The following RIC8B variants were observed in gnomAD, a reference collection of about 807,000 sequenced individuals.
RIC8B encodes the protein RIC8 guanine nucleotide exchange factor B.
RIC8B carries 16 observed loss-of-function variants against 57.5 expected under a neutral mutation model. That is an observed-to-expected ratio of 0.28 (90% confidence interval 0.19 to 0.42). RIC8B has a LOEUF of 0.42. Ranked by LOEUF, RIC8B falls within the 10% of genes least tolerant of loss-of-function variation. RIC8B has a pLI of 1.00. For synonymous variants in RIC8B, 216 were observed against 250.8 expected, an observed-to-expected ratio of 0.86 and a Z score of 1.31; for missense variants, 481 against 677.0, an observed-to-expected ratio of 0.71 and a Z score of 3.21.
chr12:106,796,373 C>A (rs190452927), intron 2 of RIC8B, among the ~76,000 whole-genome samples: 4 of 151,962 alleles, frequency 2.6e-5, no homozygotes, highest in Non-Finnish European at 4.4e-5. Context: ...CCCCCACCCC[C>A]CTCCATCTCT....
At chr12:106,853,050 T>C (rs984107589) in intron 7 of RIC8B, among the ~76,000 whole-genome samples, 8 of 152,206 alleles carry the variant, frequency 5.3e-5, no homozygotes, top group Non-Finnish European at 1.0e-4. Flanking sequence ...TTGTTACCTC[T>C]GAGTAATAAG....
chr12:106,853,978 G>T (rs1174535017), intron 7 of RIC8B, among the ~76,000 whole-genome samples: 1 of 152,172 alleles, frequency 6.6e-6, no homozygotes, highest in Non-Finnish European at 1.5e-5. Flanking sequence ...GGTAATAAAA[G>T]TAAGTCAAGT....
At chr12:106,874,680 C>T (rs1950588003) in intron 9 of RIC8B, 1 of 762,496 alleles carries the variant, frequency 1.3e-6, no homozygotes, top group African/African-American at 1.7e-5. Context: ...TATTTTGCCT[C>T]CATGCTGGAC....
chr12:106,810,401 G>A (rs1056290399), intron 2 of RIC8B, among the ~76,000 whole-genome samples: 3 of 151,994 alleles, frequency 2.0e-5, no homozygotes, highest in African/African-American at 4.8e-5. Context: ...TAAAAAAGAT[G>A]TCCCTTCCGC....
rs1224422810 is a variant in RIC8B at position 106,816,283 on chromosome 12, CA to C, written c.741+980del. On this transcript the variant is annotated intron_variant, in intron 3 of 9. Transcript: ENST00000392837. The stretch of plus-strand genomic sequence containing the variant: ...ATGAGTAAAGATCTGTTTTTGCCAG[CA>C]GCCTACTTTAAAGGGATTATCTCAG... 3.3e-5 allele frequency among the ~76,000 whole-genome samples: 5 copies of C among 152,190 alleles called. No homozygotes were observed. The East Asian group carries it at 9.6e-4, about 29-fold the overall frequency.
In RIC8B at chr12:106,870,818, TG is replaced by T; in HGVS notation, c.1452-4del. 1 of 1,501,348 alleles carries T rather than the reference TG, an allele frequency of 6.7e-7. No homozygotes were observed. The allele number at this position is 1,501,348 out of a possible 1,614,324, so 93.0% of individuals were successfully genotyped here. On this transcript the variant is annotated splice_region_variant and splice_polypyrimidine_tract_variant and intron_variant, in intron 8 of 9. Coordinates refer to ENST00000392837, the MANE Select transcript of RIC8B (RefSeq NM_001330145.2). Reference sequence around the variant, plus strand: ...ATACAGCATAACTTTTTTTTCTTTTTGTAGCATTAATCTTATCACTGGTCAT... The same window carrying T: ...ATACAGCATAACTTTTTTTTCTTTTTTAGCATTAATCTTATCACTGGTCAT...
chr12:106,831,999 T>C (rs1370079913), intron 4 of RIC8B, among the ~76,000 whole-genome samples: 4 of 152,196 alleles, frequency 2.6e-5, no homozygotes, highest in Non-Finnish European at 5.9e-5. Context: ...TCCTTAGACA[T>C]AGATTCCTTA....
At position 106,785,484 on chromosome 12, in the gene RIC8B, A is replaced by G. The variant is rs1489510651; in HGVS notation, c.132+1440A>G. Among the ~76,000 whole-genome samples the G allele has an allele frequency of 2.0e-5, 3 of 152,272 alleles. No homozygotes were observed. In the East Asian group the frequency reaches 5.8e-4, roughly 29 times the overall value. On this transcript the variant is annotated intron_variant, in intron 2 of 9. Coordinates refer to ENST00000392837, the MANE Select transcript of RIC8B (RefSeq NM_001330145.2). ...TTGTTTCTTAATTATATATCTGTTG[A>G]TGTTAGACACTGGTATCTTTATACA...
intron 2 of RIC8B, among the ~76,000 whole-genome samples, chr12:106,808,907 G>A (rs2045193467): frequency 6.6e-6 from 1 of 152,118 alleles, no homozygotes; most frequent in African/African-American, 2.4e-5. Context: ...TCGTTTGAAT[G>A]CCCACATATG....
At chr12:106,838,655 GCA>G (rs1417118068) in intron 4 of RIC8B, among the ~76,000 whole-genome samples, 1 of 151,702 alleles carries the variant, frequency 6.6e-6, no homozygotes, top group Non-Finnish European at 1.5e-5. Context: ...AAAAGCACAG[GCA>G]ACAAAAGCAA....
At chr12:106,819,566 A>G (rs1334226900) in intron 3 of RIC8B, among the ~76,000 whole-genome samples, 2 of 152,020 alleles carry the variant, frequency 1.3e-5, no homozygotes, top group Non-Finnish European at 2.9e-5. Context: ...AGCCTGGGCA[A>G]CATAGTGAGA....
intron 2 of RIC8B, among the ~76,000 whole-genome samples, chr12:106,809,554 C>T (rs941090568): frequency 1.4e-5 from 2 of 147,998 alleles, no homozygotes; most frequent in African/African-American, 5.0e-5. Flanking sequence ...AAGAATTGTG[C>T]AGTAAGTGTT....
At chr12:106,834,629 A>G (rs1436244692) in intron 4 of RIC8B, among the ~76,000 whole-genome samples, 1 of 152,186 alleles carries the variant, frequency 6.6e-6, no homozygotes. Context: ...ATGTCAATTC[A>G]TTTATAAAAT....
intron 1 of RIC8B, among the ~76,000 whole-genome samples, chr12:106,779,868 C>CTTT (rs34745029): frequency 3.8e-4 from 38 of 98,924 alleles, no homozygotes; most frequent in Admixed American, 6.7e-4. Context: ...GGGGCCTGTT[C>CTTT]TTTTTTTTTT....
intron 9 of RIC8B, among the ~76,000 whole-genome samples, chr12:106,885,045 G>T (rs976237430): frequency 3.3e-5 from 5 of 152,146 alleles, no homozygotes; most frequent in Non-Finnish European, 1.5e-5. Context: ...AGGGATGGGA[G>T]GACTGGAGTT....
intron 2 of RIC8B, among the ~76,000 whole-genome samples, chr12:106,804,196 ACTT>A (rs1306728913): frequency 2.0e-5 from 3 of 150,568 alleles, no homozygotes; most frequent in Non-Finnish European, 4.4e-5. Flanking sequence ...TGAAGTAGGT[ACTT>A]TTTTTTCCTT....
At chr12:106,836,903 C>T (rs768825338) in intron 4 of RIC8B, among the ~76,000 whole-genome samples, 10 of 152,192 alleles carry the variant, frequency 6.6e-5, no homozygotes, top group Admixed American at 6.5e-4. Context: ...TCAGCCACAC[C>T]AACTTCTTTA....
At chr12:106,820,538 G>C (rs1005130519) in intron 3 of RIC8B, among the ~76,000 whole-genome samples, 1 of 152,106 alleles carries the variant, frequency 6.6e-6, no homozygotes, top group Non-Finnish European at 1.5e-5. Context: ...TGTTATTCTA[G>C]GGACTGTAAG....
intron 1 of RIC8B, among the ~76,000 whole-genome samples, chr12:106,776,362 A>C (rs1221169218): frequency 1.3e-5 from 2 of 152,222 alleles, no homozygotes; most frequent in East Asian, 1.9e-4. Flanking sequence ...ACTGCTTTCC[A>C]GAAAAGATAT....
Sources: gnomAD v4.1 joint callset for allele counts (sites outside exome capture counted in the v4.1 genomes callset) on GRCh38, gnomAD v4.1.1 for gene constraint, MANE v1.5 for transcripts, NCBI Gene and HGNC (gene_info 2026-07-23, HGNC 2026-07-21) for gene names.